Variants in TBXAS1 observed in about 807,000 individuals in gnomAD.
TBXAS1 encodes thromboxane-A synthase.
In TBXAS1, 48 loss-of-function variants were observed where a neutral mutation model predicts 60.7. That is an observed-to-expected ratio of 0.79 (90% CI 0.63 to 1.01). The LOEUF is 1.01. Ranked by LOEUF, TBXAS1 falls within the 50% of genes least tolerant of loss-of-function variation. The probability of loss-of-function intolerance (pLI) is 0.00; values close to 1 mark genes in which losing one functional copy is unlikely to be tolerated. For synonymous variants in TBXAS1, 287 were observed against 269.7 expected, an observed-to-expected ratio of 1.06 and a Z score of -0.63; for missense variants, 685 against 686.3, an observed-to-expected ratio of 1.00 and a Z score of 0.02.
At chr7:139,835,713 G>C (rs1799013358) in intron 1 of TBXAS1, among the ~76,000 whole-genome samples, 1 of 152,074 alleles carries the variant, frequency 6.6e-6, no homozygotes, top group African/African-American at 2.4e-5. Context: ...TCTGAGAATT[G>C]GAACAAGACA....
chr7:139,888,377 T>C (rs3801153), intron 3 of TBXAS1, among the ~76,000 whole-genome samples: 18,804 of 152,178 alleles, frequency 0.12, 1,281 homozygotes, highest in Admixed American at 0.19. Flanking sequence ...TGCTTCCTTG[T>C]TCCCTGGGTC....
At chr7:139,924,424 T>C (rs1177159399) in intron 4 of TBXAS1, among the ~76,000 whole-genome samples, 1 of 152,214 alleles carries the variant, frequency 6.6e-6, no homozygotes, top group African/African-American at 2.4e-5. Context: ...TACCTTTTCA[T>C]ATGCCTGTTT....
intron 9 of TBXAS1, among the ~76,000 whole-genome samples, chr7:139,985,012 G>A (rs146860383): frequency 3.3e-5 from 5 of 152,184 alleles, no homozygotes; most frequent in South Asian, 2.1e-4. Flanking sequence ...TTCAGAAATC[G>A]CTGGTCAGTC....
chr7:139,968,936 A>G (rs1004947755), intron 9 of TBXAS1, among the ~76,000 whole-genome samples: 1 of 152,212 alleles, frequency 6.6e-6, no homozygotes, highest in Non-Finnish European at 1.5e-5. Context: ...TTGTGTTCTC[A>G]TGTAATTTTG....
chr7:139,991,654 T>G (rs538203590), intron 9 of TBXAS1, among the ~76,000 whole-genome samples: 1 of 152,100 alleles, frequency 6.6e-6, no homozygotes, highest in Admixed American at 6.6e-5. Flanking sequence ...CATAAAGACA[T>G]AGAAACACAT....
intron 1 of TBXAS1, among the ~76,000 whole-genome samples, chr7:139,834,101 A>T (rs889912509): frequency 2.0e-5 from 3 of 152,252 alleles, no homozygotes; most frequent in African/African-American, 7.2e-5. Flanking sequence ...TTGAAATTGT[A>T]TCAAGCACTC....
intron 9 of TBXAS1, among the ~76,000 whole-genome samples, chr7:139,972,760 G>A (rs749957850): frequency 6.6e-6 from 1 of 152,124 alleles, no homozygotes; most frequent in Non-Finnish European, 1.5e-5. Context: ...CATTTTGGGA[G>A]GGGAATATCA....
chr7:139,934,009 A>G (rs1327182615), intron 4 of TBXAS1, among the ~76,000 whole-genome samples: 3 of 152,046 alleles, frequency 2.0e-5, no homozygotes, highest in African/African-American at 7.2e-5. Context: ...CCTCCCAAAT[A>G]TGTCCCCCAC....
chr7:139,934,522 C>A (rs1023704584), intron 4 of TBXAS1, among the ~76,000 whole-genome samples: 1 of 152,170 alleles, frequency 6.6e-6, no homozygotes, highest in Non-Finnish European at 1.5e-5. Context: ...GTATAGACAA[C>A]TTCTTGAACC....
intron 9 of TBXAS1, among the ~76,000 whole-genome samples, chr7:139,993,622 A>G (rs551584561): frequency 1.3e-4 from 20 of 152,304 alleles, no homozygotes; most frequent in African/African-American, 4.8e-4. Flanking sequence ...TATCAATTGA[A>G]CACTAAAAAT....
chr7:139,867,111 G>A (rs949122530), intron 1 of TBXAS1, among the ~76,000 whole-genome samples: 10 of 152,244 alleles, frequency 6.6e-5, no homozygotes, highest in African/African-American at 2.4e-4. Flanking sequence ...AGTAACCATG[G>A]CAAAGGGCCT....
At chr7:139,798,245 T>G (rs186805126) in intron 4 of TBXAS1, among the ~76,000 whole-genome samples, 1 of 151,952 alleles carries the variant, frequency 6.6e-6, no homozygotes, top group East Asian at 1.9e-4. Context: ...AAGAAGCCGG[T>G]GAAGCAGGAA....
At chr7:139,904,144 C>T (rs1804789070) in intron 3 of TBXAS1, among the ~76,000 whole-genome samples, 1 of 151,928 alleles carries the variant, frequency 6.6e-6, no homozygotes, top group African/African-American at 2.4e-5. Flanking sequence ...AGATGAAGAT[C>T]CAGTTTATTC....
chr7:139,824,817 TCTTTTC>T (rs1798391475), upstream of TBXAS1, among the ~76,000 whole-genome samples: 2 of 73,756 alleles, frequency 2.7e-5, no homozygotes, highest in African/African-American at 2.5e-4. Context: ...TCTTTCTTTT[TCTTTTC>T]CTTTTCTTTT....
chr7:139,990,293 G>A (rs539317530), intron 9 of TBXAS1, among the ~76,000 whole-genome samples: 90 of 152,326 alleles, frequency 5.9e-4, no homozygotes, highest in Non-Finnish European at 1.2e-3. Context: ...TCCAGGGGAC[G>A]TGAGGGCGCA....
chr7:139,911,207 A>AT lies in TBXAS1; in HGVS notation c.237-12dup, dbSNP rs541211877. 1.3e-3 allele frequency: 2,156 copies of AT among 1,611,336 alleles called. 20 individuals are homozygous for AT. Among genetic ancestry groups the AT allele is most frequent in the East Asian group, 5.3e-3 (239 of 44,852 alleles). ...TGGGTAATGCAACACATTTTAATGC[A>AT]TTTTTTATTCCTCCCAGGTACTATC... On this transcript the variant is annotated splice_polypyrimidine_tract_variant and intron_variant, in intron 3 of 12. Coordinates refer to ENST00000448866, the MANE Select transcript of TBXAS1 (RefSeq NM_001061.7).
At chr7:139,831,244 G>C (rs1798681014) in intron 1 of TBXAS1, among the ~76,000 whole-genome samples, 1 of 152,182 alleles carries the variant, frequency 6.6e-6, no homozygotes, top group African/African-American at 2.4e-5. Flanking sequence ...ACTGCAGGAG[G>C]AGCAGAGGCA....
At chr7:139,958,301 T>C (rs1569519577) in intron 8 of TBXAS1, among the ~76,000 whole-genome samples, 1 of 152,226 alleles carries the variant, frequency 6.6e-6, no homozygotes, top group African/African-American at 2.4e-5. Context: ...ACGATTCATA[T>C]GAGACGTAGC....
chr7:139,810,960 A>T (rs1286363546), intron 4 of TBXAS1, among the ~76,000 whole-genome samples: 3 of 152,254 alleles, frequency 2.0e-5, no homozygotes, highest in Non-Finnish European at 4.4e-5. Flanking sequence ...TGTAGGAATT[A>T]TATGTTTCTG....
Sources: allele counts gnomAD v4.1 joint callset (sites outside exome capture counted in the v4.1 genomes callset), GRCh38; gene constraint gnomAD v4.1.1; transcripts MANE v1.5; gene names NCBI Gene and HGNC (gene_info 2026-07-23, HGNC 2026-07-21).